Variants in IRF3 observed in about 807,000 individuals in gnomAD.
The protein encoded by IRF3 is interferon regulatory factor 3.
Under a neutral mutation model 43.2 loss-of-function variants are expected in IRF3, and 29 were observed. The ratio of observed to expected loss-of-function variants is 0.67; its 90% CI spans 0.50 to 0.91. The LOEUF (loss-of-function observed/expected upper bound fraction) is 0.91. IRF3 is among the 40% of genes least tolerant of loss of function. The pLI is 0.00. For synonymous variants in IRF3, 228 were observed against 233.9 expected (o/e 0.97, Z 0.23); for missense variants, 505 against 559.1 (o/e 0.90, Z 0.98).
In IRF3 at chr19:49,662,278, G is replaced by C; in HGVS notation, c.652C>G (p.Gln218Glu). 6 of 1,613,822 alleles carry C rather than the reference G, an allele frequency of 3.7e-6. No homozygotes were observed. Among genetic ancestry groups the C allele is most frequent in the Non-Finnish European group, 5.1e-6 (6 of 1,180,048 alleles). The change falls in exon 6 of 8, where the codon CAG becomes GAG. Residue 218 changes from glutamine (Q) to glutamate (E), a missense_variant. Transcript: ENST00000377139. Reference protein sequence around the residue: ...AFYRGRQVFQQTISCPEGLRL... With the variant: ...AFYRGRQVFQETISCPEGLRL... The stretch of plus-strand genomic sequence containing the variant: ...AGGCCCTCCGGGCAGGAGATGGTCT[G>C]CTGGAAGACTTGGCGGCCCCGGTAG...
rs751198728 is a variant in IRF3, at chr19:49,662,549, G to C, written c.477C>G (p.Ser159Arg). 4 of 1,532,454 alleles carry C rather than the reference G, an allele frequency of 2.6e-6. No individual in the cohort carries two copies. The South Asian group carries it at 3.7e-5, about 14-fold the overall frequency. 94.9% of individuals were successfully genotyped at this position (1,532,454 alleles called of 1,614,324 possible). A position where few individuals can be genotyped will look rare whatever the true frequency, so the allele number is the denominator to read the frequency against. The change falls in exon 5 of 8, where the codon AGC becomes AGG. Residue 159 changes from serine to arginine, a missense_variant. By Grantham distance (110) the Ser-to-Arg change is moderately radical (BLOSUM62 -1). Coordinates refer to ENST00000377139, the MANE Select transcript of IRF3 (RefSeq NM_001571.6). ...GGCAGGGCTCAGGGGCTACAGCCAG[G>C]CTTGGGGGTCCCGGATCTGGGAGTG... ...LAPLPDPGPPSLAVAPEPCPQ... is the reference protein window; with the variant it reads ...LAPLPDPGPPRLAVAPEPCPQ...
Position 49,665,844 on chromosome 19 carries a change from G to A in IRF3, c.-222C>T. 1 of 1,602,670 alleles carries A rather than the reference G, an allele frequency of 6.2e-7. No homozygotes were observed. Among genetic ancestry groups the A allele is most frequent in the South Asian group, 1.1e-5 (1 of 90,900 alleles). On this transcript the variant is annotated 5_prime_UTR_variant, in exon 1 of 8. Coordinates refer to ENST00000377139, the MANE Select transcript of IRF3 (RefSeq NM_001571.6). Reference sequence around the variant, plus strand: ...AGCCGATGGGACGGCCCGCTGGGCTGTTCCCGCCCCTATGCCCTTTTTTGG... The same window carrying A: ...AGCCGATGGGACGGCCCGCTGGGCTATTCCCGCCCCTATGCCCTTTTTTGG...
intron 2 of IRF3, 85 bp downstream of exon 2, chr19:49,664,589 C>G (rs2081561551): frequency 6.2e-7 from 1 of 1,606,462 alleles, no homozygotes; most frequent in Non-Finnish European, 8.5e-7. Flanking sequence ...CGCGCCACCT[C>G]CGCCTTCTCA....
intron 1 of IRF3, 65 bp downstream of exon 1, chr19:49,665,566 C>G (rs1275030746): frequency 2.0e-6 from 1 of 498,964 alleles, no homozygotes; most frequent in Non-Finnish European, 3.6e-6. Context: ...CCGTGCAGAC[C>G]CATCCTCTTT....
intron 1 of IRF3, chr19:49,665,246 G>A (rs543345496): frequency 4.0e-4 from 77 of 193,806 alleles, no homozygotes; most frequent in Non-Finnish European, 7.8e-4. Flanking sequence ...CCCCAATGTA[G>A]ACCCCCTTCC....
At chr19:49,662,387 C>T in intron 5 of IRF3, 38 bp downstream of exon 5, 3 of 1,598,438 alleles carry the variant, frequency 1.9e-6, no homozygotes, top group Non-Finnish European at 2.6e-6. Flanking sequence ...GGGCTGCCGC[C>T]CAGACCTCAG....
Position 49,661,993 on chromosome 19 carries a change from T to C in IRF3, c.937A>G (p.Lys313Glu). Residue 313 changes from lysine to glutamate, a missense_variant, in exon 6 of 8, where the codon AAG becomes GAG. Physicochemically the swap from Lys to Glu is moderately conservative, Grantham distance 56. Coordinates refer to ENST00000377139, the MANE Select transcript of IRF3 (RefSeq NM_001571.6). ...TCAAACACGCCTCCTTCCTTGTCCT[T>C]GGGGACCTCGCCATCAGGCCCATGC... ...SGHGPDGEVP[K>E]DKEGGVFDLG... 1 of 1,613,626 alleles carries C rather than the reference T, an allele frequency of 6.2e-7. No individual in the cohort carries two copies. Among genetic ancestry groups the C allele is most frequent in the East Asian group, 2.2e-5 (1 of 44,810 alleles).
At chr19:49,659,994 C>T (rs942517973) in intron 7 of IRF3, among the ~76,000 whole-genome samples, 161 bp from the exon 8 acceptor site, 2 of 99,212 alleles carry the variant, frequency 2.0e-5, no homozygotes, top group South Asian at 4.2e-4. Flanking sequence ...TACACACACA[C>T]ACACACACAC....
chr19:49,664,404 G>C, intron 2 of IRF3: 1 of 1,401,394 alleles, frequency 7.1e-7, no homozygotes, highest in Middle Eastern at 1.8e-4. Context: ...CCTCTAGAAA[G>C]CCCCAAACCC....
chr19:49,663,139 TG>T (rs749110130), intron 4 of IRF3, 48 bp downstream of exon 4: 5 of 1,505,154 alleles, frequency 3.3e-6, no homozygotes, highest in Non-Finnish European at 4.6e-6. Flanking sequence ...ACAAGGCCCA[TG>T]GAGACAGGTC....
intron 4 of IRF3, among the ~76,000 whole-genome samples, chr19:49,662,856 G>A (rs1178370353): frequency 2.0e-5 from 3 of 152,246 alleles, no homozygotes; most frequent in Non-Finnish European, 4.4e-5. Context: ...CCTGGGCAAA[G>A]CAGGCTGGGT....
chr19:49,660,032 C>G (rs959741650), intron 7 of IRF3, among the ~76,000 whole-genome samples, 199 bp from the exon 8 acceptor site: 1 of 143,838 alleles, frequency 7.0e-6, no homozygotes. Flanking sequence ...CACACACCCC[C>G]TGCTGTAACT....
At chr19:49,664,221 G>A (rs2081513149) in intron 2 of IRF3, among the ~76,000 whole-genome samples, 1 of 151,988 alleles carries the variant, frequency 6.6e-6, no homozygotes. Context: ...GTCTAATCCC[G>A]TGCACCACCT....
chr19:49,663,368 A>T lies in IRF3; in HGVS notation c.312T>A (p.His104Gln). The T allele has an allele frequency of 6.2e-7, 1 of 1,614,204 alleles. No homozygotes were observed. The highest frequency in any genetic ancestry group is 8.5e-7 in the Non-Finnish European group (1 of 1,180,038). Reference sequence around the variant, plus strand: ...CTGAGTTCACAAACTCGTAGATTTTATGTGGGTCGTGAGGGTCCTTGCTCC... The same window carrying T: ...CTGAGTTCACAAACTCGTAGATTTTTTGTGGGTCGTGAGGGTCCTTGCTCC... ...EDRSKDPHDP[H>Q]KIYEFVNSGV... Residue 104 changes from histidine (H) to glutamine (Q), a missense_variant, in exon 3 of 8, where the codon CAT becomes CAA. His to Gln is a conservative substitution (Grantham distance 24). Transcript: ENST00000377139.
chr19:49,659,902 G>T, intron 7 of IRF3, 69 bp from the exon 8 acceptor site: 3 of 1,502,170 alleles, frequency 2.0e-6, no homozygotes, highest in Non-Finnish European at 2.7e-6. Flanking sequence ...AGGAGTCAGG[G>T]CTTGGAGGAC....
rs533084354 is a variant in IRF3 at position 49,665,721 on chromosome 19, C to T, written c.-99G>A. On this transcript the variant is annotated 5_prime_UTR_variant, in exon 1 of 8. Coordinates refer to ENST00000377139, the MANE Select transcript of IRF3 (RefSeq NM_001571.6). ...TCTCAAACTCGAGGCTGCGCACCCC[C>T]TTTCCCGTCAGCTGAGCTCTAGAGC... The T allele has an allele frequency of 2.7e-6, 4 of 1,456,502 alleles. No individual in the cohort carries two copies. Among genetic ancestry groups the T allele is most frequent in the East Asian group, 4.6e-5 (2 of 43,378 alleles). The allele number at this position is 1,456,502 out of a possible 1,614,324, so 90.2% of individuals were successfully genotyped here.
At chr19:49,664,349 T>A (rs1305489523) in intron 2 of IRF3, 2 of 954,584 alleles carry the variant, frequency 2.1e-6, no homozygotes, top group African/African-American at 3.3e-5. Context: ...CTCTGATGTT[T>A]CAAGAACCAT....
At chr19:49,660,860 A>G (rs2122593223) in intron 6 of IRF3, 32 bp from the exon 7 acceptor site, 1 of 1,565,358 alleles carries the variant, frequency 6.4e-7, no homozygotes, top group Non-Finnish European at 8.7e-7. Flanking sequence ...CAGGGATGAG[A>G]AGAGGACCCT....
At chr19:49,663,298 AC>A (rs762141646) in intron 3 of IRF3, 40 bp from the exon 4 acceptor site, 1 of 1,613,816 alleles carries the variant, frequency 6.2e-7, no homozygotes, top group Non-Finnish European at 8.5e-7. Context: ...AGTGCCAGGA[AC>A]CCTTGGGGCC....
Sources: gnomAD v4.1 joint callset for allele counts (sites outside exome capture counted in the v4.1 genomes callset) on GRCh38, gnomAD v4.1.1 for gene constraint, MANE v1.5 for transcripts, NCBI Gene and HGNC (gene_info 2026-07-23, HGNC 2026-07-21) for gene names.